Variants in USP25 observed in about 807,000 individuals in gnomAD.
USP25 encodes ubiquitin specific peptidase 25, also known as ubiquitin carboxyl-terminal hydrolase 25.
Under a neutral mutation model 158.5 loss-of-function variants are expected in USP25, and 85 were observed. The observed-to-expected ratio is 0.54, with a 90% confidence interval of 0.45 to 0.64. The LOEUF is 0.64. Among genes scored for constraint, USP25 ranks in the 30% least tolerant of loss-of-function variants. The pLI, the probability that USP25 is intolerant of heterozygous loss-of-function variation, is 0.00. For synonymous variants in USP25, 464 were observed against 460.4 expected, an observed-to-expected ratio of 1.01 and a Z score of -0.10; for missense variants, 1,242 against 1,327.3, an observed-to-expected ratio of 0.94 and a Z score of 1.00.
At chr21:15,742,988 C>T (rs1054598740) in intron 1 of USP25, among the ~76,000 whole-genome samples, 9 of 152,226 alleles carry the variant, frequency 5.9e-5, no homozygotes, top group African/African-American at 1.7e-4. Flanking sequence ...CGGCAGCAAC[C>T]GTGGAGCCCC....
At chr21:15,852,112 C>G (rs1006350406) in intron 20 of USP25, among the ~76,000 whole-genome samples, 1 of 152,088 alleles carries the variant, frequency 6.6e-6, no homozygotes, top group Admixed American at 6.5e-5. Flanking sequence ...TAAAAGTTTT[C>G]AAGTTGCTTT....
At chr21:15,813,817 C>G (rs2036795760) in intron 9 of USP25, among the ~76,000 whole-genome samples, 1 of 152,040 alleles carries the variant, frequency 6.6e-6, no homozygotes. Flanking sequence ...AGTTTAGTTT[C>G]TGGCTTCAGA....
chr21:15,812,502 T>A (rs189630455), intron 9 of USP25, among the ~76,000 whole-genome samples: 1 of 151,792 alleles, frequency 6.6e-6, no homozygotes. Flanking sequence ...CAAAAAAAAA[T>A]TAGCCAGGCG....
chr21:15,813,278 T>C (rs181350641), intron 9 of USP25, among the ~76,000 whole-genome samples: 47 of 152,368 alleles, frequency 3.1e-4, no homozygotes, highest in Non-Finnish European at 5.4e-4. Flanking sequence ...ATCTAACTTA[T>C]CTCTTCATTC....
At chr21:15,786,675 A>C (rs539220589) in intron 4 of USP25, among the ~76,000 whole-genome samples, 1 of 152,176 alleles carries the variant, frequency 6.6e-6, no homozygotes. Flanking sequence ...TACTGAATGC[A>C]GAAAAAAATG....
chr21:15,845,596 G>A (rs1240080119), intron 18 of USP25, among the ~76,000 whole-genome samples: 1 of 152,062 alleles, frequency 6.6e-6, no homozygotes, highest in East Asian at 1.9e-4. Context: ...TTCCCTAAGT[G>A]CAATTTTTTT....
intron 10 of USP25, among the ~76,000 whole-genome samples, chr21:15,819,551 T>A (rs1366749372): frequency 2.6e-5 from 4 of 152,146 alleles, no homozygotes; most frequent in Admixed American, 1.3e-4. Flanking sequence ...TCCATGAATG[T>A]GGCTAGAGGT....
In USP25 at chr21:15,833,422, G is replaced by C. The variant is rs748147304; in HGVS notation, c.2068G>C (p.Glu690Gln). Residue 690 changes from glutamate (E) to glutamine (Q), a missense_variant, in exon 17 of 26, where the codon GAG becomes CAG. Physicochemically the swap from Glu to Gln is conservative, Grantham distance 29. Around this residue, in one of 3 missense-constraint regions of USP25, gnomAD observed 608 missense variants for 605.2 expected, o/e 1.00. Transcript: ENST00000400183. ...ACCACCGGATTTGAGAGATTTTGTTGAGGAAGACAACCAACGATTTGAAAA... is the reference window on the plus strand; with the variant it reads ...ACCACCGGATTTGAGAGATTTTGTTCAGGAAGACAACCAACGATTTGAAAA... Reference protein sequence around the residue: ...TLPPDLRDFVEEDNQRFEKEL... With the variant: ...TLPPDLRDFVQEDNQRFEKEL... 7 of 1,613,898 alleles carry C rather than the reference G, an allele frequency of 4.3e-6. No homozygotes were observed. In the East Asian group the frequency reaches 1.6e-4, roughly 36 times the overall value.
chr21:15,858,264 A>G (rs886512460), intron 20 of USP25, among the ~76,000 whole-genome samples: 3 of 152,040 alleles, frequency 2.0e-5, no homozygotes, highest in African/African-American at 4.8e-5. Flanking sequence ...TTAATTTAAC[A>G]TGAAGCAGAT....
rs1306141963 is a variant in USP25 at position 15,816,098 on chromosome 21, T to C, written c.932-2600T>C. Among the ~76,000 whole-genome samples the C allele has an allele frequency of 6.6e-6, 1 of 152,186 alleles. No homozygotes were observed. ...TATCTCCCAGAGTTCCCACATGTTG[T>C]GGGAGGGACCCAGGCGGAGGTAACT... On this transcript the variant is annotated intron_variant, in intron 9 of 25. Coordinates refer to ENST00000400183, the MANE Select transcript of USP25 (RefSeq NM_001283041.3). This position sits in a 1 kb window ranked among gnomAD's most constrained non-coding sequence, Gnocchi z 4.0.
intron 1 of USP25, among the ~76,000 whole-genome samples, chr21:15,740,130 T>G (rs1483403075): frequency 6.6e-6 from 1 of 152,226 alleles, no homozygotes; most frequent in Non-Finnish European, 1.5e-5. Flanking sequence ...CTTAATTATC[T>G]GTAGTGCTTG....
chr21:15,811,149 G>A lies in USP25; in HGVS notation c.870G>A (p.Lys290=). The change falls in exon 9 of 26, where the codon AAG becomes AAA. Residue 290 remains lysine (K), a synonymous_variant. Transcript: ENST00000400183. ...TAACATACTTTAGGGATGAAGAGAA[G>A]CCAAAGAACCCCATGGTAGAGTTGT... The part of the protein sequence containing the change: ...MKAEEETDEE[K]PKNPMVELFY... 1 of 1,612,400 alleles carries A rather than the reference G, an allele frequency of 6.2e-7. No homozygotes were observed. The highest frequency in any genetic ancestry group is 1.1e-5 in the South Asian group (1 of 90,680).
intron 20 of USP25, among the ~76,000 whole-genome samples, chr21:15,852,135 G>A (rs994064681): frequency 3.3e-5 from 5 of 152,166 alleles, no homozygotes; most frequent in East Asian, 1.9e-4. Flanking sequence ...AGATTGAGTC[G>A]AATTTGACGT....
chr21:15,797,824 TGA>T lies in USP25; in HGVS notation c.556-1924_556-1923del, dbSNP rs757562923. Among the ~76,000 whole-genome samples the T allele has an allele frequency of 2.1e-4, 31 of 151,130 alleles. 1 individual carries two copies. The highest frequency in any genetic ancestry group is 1.9e-4 in the Non-Finnish European group (13 of 67,356). On this transcript the variant is annotated intron_variant, in intron 5 of 25. Transcript: ENST00000400183. ...ATTGTGGCTGAAAATATTACAGTAC[TGA>T]GAGAGAGAAGGAGAGGGAGAGAGGG...
intron 20 of USP25, among the ~76,000 whole-genome samples, chr21:15,859,356 C>G (rs1048411790): frequency 6.6e-6 from 1 of 151,900 alleles, no homozygotes; most frequent in Non-Finnish European, 1.5e-5. Context: ...CCACGCCTGG[C>G]TAAGTTTTTT....
At chr21:15,730,825 G>A (rs2030760726) in intron 1 of USP25, among the ~76,000 whole-genome samples, 1 of 152,130 alleles carries the variant, frequency 6.6e-6, no homozygotes, top group South Asian at 2.1e-4. Flanking sequence ...AGGTAGTAGT[G>A]TACCAGGCCT....
chr21:15,748,179 C>T (rs1310253343), intron 1 of USP25, among the ~76,000 whole-genome samples: 1 of 152,188 alleles, frequency 6.6e-6, no homozygotes, highest in Non-Finnish European at 1.5e-5. Flanking sequence ...AACAGTTCCT[C>T]CTTCCCATTA....
intron 17 of USP25, among the ~76,000 whole-genome samples, chr21:15,835,332 G>C (rs2146410082): frequency 6.6e-6 from 1 of 152,172 alleles, no homozygotes; most frequent in South Asian, 2.1e-4. Context: ...CAAATTTTCA[G>C]AGTTAACATA....
chr21:15,859,231 C>T lies in USP25; in HGVS notation c.2548-5037C>T, dbSNP rs1339950804. On this transcript the variant is annotated intron_variant, in intron 20 of 25. Coordinates refer to ENST00000400183, the MANE Select transcript of USP25 (RefSeq NM_001283041.3). The stretch of plus-strand genomic sequence containing the variant: ...TTTTTGAGACGGGGTCTCGCTCTGT[C>T]GCCCAGGCTGGAGTGCAGTGGTGCC... Among the ~76,000 whole-genome samples the T allele has an allele frequency of 4.7e-5, 7 of 149,578 alleles. No individual in the cohort carries two copies. The South Asian group carries it at 1.0e-3, about 22-fold the overall frequency.
Sources: gnomAD v4.1 joint callset for allele counts (sites outside exome capture counted in the v4.1 genomes callset) on GRCh38, gnomAD v4.1.1 for gene constraint, gnomAD v4.1.1 regional missense constraint, Gnocchi (gnomAD v3.1) non-coding constraint, MANE v1.5 for transcripts, NCBI Gene and HGNC (gene_info 2026-07-23, HGNC 2026-07-21) for gene names.